The following RBM48 variants were observed in gnomAD, a reference collection of about 807,000 sequenced individuals.
The protein encoded by RBM48 is RNA binding motif protein 48, also known as RNA-binding protein 48.
Under a neutral mutation model 34.8 loss-of-function variants are expected in RBM48, and 32 were observed. The ratio of observed to expected loss-of-function variants is 0.92; its 90% CI spans 0.69 to 1.23. The LOEUF (loss-of-function observed/expected upper bound fraction) is 1.23, where lower values mean the gene tolerates loss of function less well. RBM48 is among the 50% of genes most tolerant of loss of function. RBM48 has a pLI of 0.00. For missense variants in RBM48, 441 were observed against 447.2 expected, an observed-to-expected ratio of 0.99 and a Z score of 0.12; for synonymous variants, 151 against 156.2, an observed-to-expected ratio of 0.97 and a Z score of 0.25.
In RBM48 at chr7:92,529,240, A is replaced by G. The variant is rs1225683234; in HGVS notation, c.112-236A>G. The stretch of plus-strand genomic sequence containing the variant: ...TGTTCCCAGTGACTTCTACCGACTC[A>G]ATTTCTGGAAAAAAATGTCGACTGA... On this transcript the variant is annotated intron_variant, in intron 1 of 4. Transcript: ENST00000265732. 1.6e-5 allele frequency: 9 copies of G among 573,000 alleles called. No individual in the cohort carries two copies. The East Asian group carries it at 2.6e-4, about 17-fold the overall frequency. 35.5% of individuals were successfully genotyped at this position (573,000 alleles called of 1,614,324 possible).
rs1485558059 is a variant in RBM48, at chr7:92,537,518, T to A, written c.*581T>A. The A allele has an allele frequency of 6.6e-6, 1 of 152,218 alleles. No homozygotes were observed. Among genetic ancestry groups the A allele is most frequent in the Non-Finnish European group, 1.5e-5 (1 of 68,052 alleles). 9.4% of individuals were successfully genotyped at this position (152,218 alleles called of 1,614,324 possible). A position where few individuals can be genotyped will look rare whatever the true frequency, so the allele number is the denominator to read the frequency against. ...ATAAAGATAGGCAGCCAGCGTCTGTTTCCAATTATAATACAAGTATTGAAT... is the reference window on the plus strand; with the variant it reads ...ATAAAGATAGGCAGCCAGCGTCTGTATCCAATTATAATACAAGTATTGAAT... On this transcript the variant is annotated 3_prime_UTR_variant, in exon 5 of 5. Coordinates refer to ENST00000265732, the MANE Select transcript of RBM48 (RefSeq NM_032120.4).
chr7:92,529,210 G>C (rs934158522), intron 1 of RBM48: 1 of 571,792 alleles, frequency 1.7e-6, no homozygotes, highest in African/African-American at 1.9e-5. Context: ...TATTCGTTGA[G>C]TGATTGTTCC....
chr7:92,530,951 G>C (rs940688325), intron 2 of RBM48, among the ~76,000 whole-genome samples: 4 of 152,032 alleles, frequency 2.6e-5, no homozygotes, highest in Non-Finnish European at 4.4e-5. Context: ...GTGTGTTGGT[G>C]CATTCCTGTA....
At chr7:92,529,115 C>G in intron 1 of RBM48, 191 bp downstream of exon 1, 5 of 625,242 alleles carry the variant, frequency 8.0e-6, no homozygotes, top group South Asian at 1.8e-5. Context: ...ATTAGAACAT[C>G]AACTCCACGA....
chr7:92,535,101 T>G (rs1157583315), intron 4 of RBM48, 131 bp downstream of exon 4: 1 of 1,472,014 alleles, frequency 6.8e-7, no homozygotes, highest in Non-Finnish European at 9.0e-7. Flanking sequence ...TTTCTACAGT[T>G]CTCTGTTGAA....
Position 92,540,296 on chromosome 7 carries a change from ACCT to A in RBM48, c.*3362_*3364del, listed in dbSNP as rs1446556682. ...TGCTTCTGGTAAACATGGTCCAAAC[ACCT>A]CCAACAGAAGTCTGTCTTCTCTTAC... On this transcript the variant is annotated 3_prime_UTR_variant, in exon 5 of 5. Transcript: ENST00000265732. The A allele has an allele frequency of 1.3e-5, 2 of 152,150 alleles. No individual in the cohort carries two copies. The highest frequency in any genetic ancestry group is 4.8e-5 in the African/African-American group (2 of 41,430). 9.4% of individuals were successfully genotyped at this position (152,150 alleles called of 1,614,324 possible). A position where few individuals can be genotyped will look rare whatever the true frequency, so the allele number is the denominator to read the frequency against.
In RBM48 at chr7:92,536,907, T is replaced by G. The variant is rs188099745; in HGVS notation, c.1074T>G (p.Ser358Arg). The G allele has an allele frequency of 1.2e-3, 1,898 of 1,609,302 alleles. 3 individuals are homozygous for G. The highest frequency in any genetic ancestry group is 1.4e-3 in the Non-Finnish European group (1,650 of 1,178,214). The stretch of plus-strand genomic sequence containing the variant: ...ACAAGCCAGAAGATGTACATACAAG[T>G]CATCCATTAAAACAAAGAAGAAGAA... ...PEDKPEDVHT[S>R]HPLKQRRRI Residue 358 changes from serine (S) to arginine (R), a missense_variant, in exon 5 of 5, where the codon AGT (serine) becomes AGG (arginine). By Grantham distance (110) the Ser-to-Arg change is moderately radical (BLOSUM62 -1). Coordinates refer to ENST00000265732, the MANE Select transcript of RBM48 (RefSeq NM_032120.4).
At chr7:92,532,577 C>T (rs757167805) in intron 3 of RBM48, 28 bp downstream of exon 3, 8 of 1,551,412 alleles carry the variant, frequency 5.2e-6, no homozygotes, top group South Asian at 1.1e-5. Context: ...CTAAATGCCT[C>T]CTGTGTGTCA....
At position 92,538,466 on chromosome 7, in the gene RBM48, C is replaced by T. The variant is rs1439474197; in HGVS notation, c.*1529C>T. Reference sequence around the variant, plus strand: ...TGGGAGACAGGAAGAGAAATGGCCTCTCTCCTCACACTGATCCAAATTAAC... The same window carrying T: ...TGGGAGACAGGAAGAGAAATGGCCTTTCTCCTCACACTGATCCAAATTAAC... On this transcript the variant is annotated 3_prime_UTR_variant, in exon 5 of 5. Transcript: ENST00000265732. Among the ~76,000 whole-genome samples the T allele has an allele frequency of 6.6e-6, 1 of 152,138 alleles. No individual in the cohort carries two copies. The highest frequency in any genetic ancestry group is 6.5e-5 in the Admixed American group (1 of 15,282).
At chr7:92,532,319 T>C in intron 2 of RBM48, 85 bp from the exon 3 acceptor site, 1 of 1,166,530 alleles carries the variant, frequency 8.6e-7, no homozygotes, top group Non-Finnish European at 1.2e-6. Flanking sequence ...CTTTGCTCTT[T>C]AGATCCAGAT....
At position 92,534,633 on chromosome 7, in the gene RBM48, A is replaced by T. The variant is rs769462318; in HGVS notation, c.680A>T (p.Asp227Val). 7 of 1,614,190 alleles carry T rather than the reference A, an allele frequency of 4.3e-6. No homozygotes were observed. In the Admixed American group the frequency reaches 1.0e-4, roughly 23 times the overall value. ...GACAGAGCACCAGACTCCTCTAAGG[A>T]TGGTAGAAACCATCATAAAACAATG... ...PVDRAPDSSK[D>V]GRNHHKTMGH... The change falls in exon 4 of 5, where the codon GAT becomes GTT. Residue 227 changes from aspartate to valine, a missense_variant. Coordinates refer to ENST00000265732, the MANE Select transcript of RBM48 (RefSeq NM_032120.4).
Position 92,539,341 on chromosome 7 carries a change from T to C in RBM48, c.*2404T>C, listed in dbSNP as rs1793803562. ...AATAAACTACAGGGAGACAAATAAATTAAAGAGATGAGTTGAGGTGGATAA... is the reference window on the plus strand; with the variant it reads ...AATAAACTACAGGGAGACAAATAAACTAAAGAGATGAGTTGAGGTGGATAA... On this transcript the variant is annotated 3_prime_UTR_variant, in exon 5 of 5. Transcript: ENST00000265732. Among the ~76,000 whole-genome samples, 1 of 152,144 alleles carries C rather than the reference T, an allele frequency of 6.6e-6. No homozygotes were observed. Among genetic ancestry groups the C allele is most frequent in the Admixed American group, 6.5e-5 (1 of 15,276 alleles).
At position 92,529,502 on chromosome 7, in the gene RBM48, G is replaced by C. The variant is rs1484094703; in HGVS notation, c.138G>C (p.Gln46His). ...VKVYTINLES[Q>H]YLLIQGVPAV... ...TATATACAATCAATTTGGAATCTCAGTACTTATTAATACAAGGAGTTCCTG... is the reference window on the plus strand; with the variant it reads ...TATATACAATCAATTTGGAATCTCACTACTTATTAATACAAGGAGTTCCTG... Residue 46 changes from glutamine (Q) to histidine (H), a missense_variant, in exon 2 of 5, where the codon CAG becomes CAC. Gln to His is a conservative substitution (Grantham distance 24). Coordinates refer to ENST00000265732, the MANE Select transcript of RBM48 (RefSeq NM_032120.4). The C allele has an allele frequency of 5.0e-6, 8 of 1,606,476 alleles. No homozygotes were observed. Among genetic ancestry groups the C allele is most frequent in the Non-Finnish European group, 4.3e-6 (5 of 1,175,514 alleles).
In RBM48 at chr7:92,538,153, A is replaced by G. The variant is rs6974429; in HGVS notation, c.*1216A>G. 0.25 allele frequency: 38,112 copies of G among 151,262 alleles called. 5,397 individuals are homozygous for G. Among genetic ancestry groups the G allele is most frequent in the African/African-American group, 0.39 (15,994 of 41,420 alleles). 9.4% of individuals were successfully genotyped at this position (151,262 alleles called of 1,614,324 possible). ...CTGCAGACAAAACCCCGCAGACACCAGGTTATAGAAAGAAGAGGCTTTATT... is the reference window on the plus strand; with the variant it reads ...CTGCAGACAAAACCCCGCAGACACCGGGTTATAGAAAGAAGAGGCTTTATT... On this transcript the variant is annotated 3_prime_UTR_variant, in exon 5 of 5. Transcript: ENST00000265732.
Position 92,534,711 on chromosome 7 carries a change from A to AATTC in RBM48, c.759_760insTTCA (p.Asn254PhefsTer20), listed in dbSNP as rs769224026. On this transcript the variant is annotated frameshift_variant, in exon 4 of 5. Transcript: ENST00000265732. LOFTEE classifies it high-confidence loss of function. ...CGGAAAACACAGATAAACTCTTTGA[A>AATTC]AAACTCAGTGGCCTGCCCTGGTGCA... 1 of 1,614,210 alleles carries AATTC rather than the reference A, an allele frequency of 6.2e-7. No individual in the cohort carries two copies. Among genetic ancestry groups the AATTC allele is most frequent in the African/African-American group, 1.3e-5 (1 of 75,056 alleles).
intron 2 of RBM48, among the ~76,000 whole-genome samples, chr7:92,531,340 T>G (rs1793571452): frequency 6.6e-6 from 1 of 152,214 alleles, no homozygotes; most frequent in Non-Finnish European, 1.5e-5. Flanking sequence ...GACTCAGTTT[T>G]TTCCAGCCTT....
chr7:92,535,299 T>C, intron 4 of RBM48: 2 of 1,209,478 alleles, frequency 1.7e-6, no homozygotes, highest in East Asian at 3.4e-5. Context: ...AGTTCTAATA[T>C]GAGCCAAAGT....
At chr7:92,535,247 G>C (rs1793682244) in intron 4 of RBM48, 3 of 1,330,774 alleles carry the variant, frequency 2.3e-6, no homozygotes, top group Non-Finnish European at 2.9e-6. Flanking sequence ...ATCTGTGAGA[G>C]TGGAGCCCAG....
At chr7:92,528,997 C>T in intron 1 of RBM48, 73 bp downstream of exon 1, 1 of 1,127,372 alleles carries the variant, frequency 8.9e-7, no homozygotes, top group Non-Finnish European at 1.3e-6. Context: ...GACCAGCCTA[C>T]GGAAATAAAG....
Sources: gnomAD v4.1 joint callset for allele counts (sites outside exome capture counted in the v4.1 genomes callset) on GRCh38, gnomAD v4.1.1 for gene constraint, MANE v1.5 for transcripts, NCBI Gene and HGNC (gene_info 2026-07-23, HGNC 2026-07-21) for gene names.